CRHR2: variants seen among roughly 807,000 people sequenced by gnomAD.
CRHR2 encodes the protein corticotropin-releasing hormone receptor 2.
A neutral mutation model predicts 57.9 loss-of-function variants in CRHR2; 53 were observed. That is an observed-to-expected ratio of 0.92 (90% CI 0.73 to 1.15). CRHR2 has a LOEUF of 1.15. CRHR2 is among the 50% of genes most tolerant of loss of function. CRHR2 has a pLI of 0.00. For missense variants in CRHR2, 532 were observed against 542.6 expected (o/e 0.98, Z 0.19); for synonymous variants, 213 against 220.9 (o/e 0.96, Z 0.32).
At chr7:30,682,115 G>A in intron 1 of CRHR2, 63 bp downstream of exon 1, 1 of 1,534,970 alleles carries the variant, frequency 6.5e-7, no homozygotes, top group East Asian at 2.5e-5. Context: ...GCGGGGTCAG[G>A]GGCGCACCCA....
At chr7:30,689,250 G>T (rs983122097) in exon 2 of CRHR2, 1 of 1,550,384 alleles carries the variant, frequency 6.5e-7, no homozygotes, top group African/African-American at 1.4e-5. Flanking sequence ...TGCCCACAGG[G>T]GCTGGTCTTT....
chr7:30,691,372 G>A (rs1784958809), intron 1 of CRHR2, among the ~76,000 whole-genome samples: 1 of 152,208 alleles, frequency 6.6e-6, no homozygotes, highest in Admixed American at 6.5e-5. Flanking sequence ...TCAGATGTTA[G>A]TGCCTTCTCT....
chr7:30,698,488 G>A (rs1043825214), intron 1 of CRHR2, among the ~76,000 whole-genome samples: 1 of 152,224 alleles, frequency 6.6e-6, no homozygotes, highest in East Asian at 1.9e-4. Context: ...ACAAGTGGGA[G>A]AGGGCAAGAG....
chr7:30,670,126 T>TAC lies in CRHR2; in HGVS notation c.230-2815_230-2814dup, dbSNP rs751287150. ...ACATACATTTTATGTTATAATCCAG[T>TAC]ACACACACACACACACAAACACAGA... On this transcript the variant is annotated intron_variant, in intron 2 of 11. Coordinates refer to ENST00000471646, the MANE Select transcript of CRHR2 (RefSeq NM_001883.5). 1.4e-3 allele frequency among the ~76,000 whole-genome samples: 206 copies of TAC among 151,102 alleles called. 1 individual carries two copies. The highest frequency in any genetic ancestry group is 3.0e-3 in the African/African-American group (124 of 41,244).
At chr7:30,689,381 T>C in intron 1 of CRHR2, 1 of 982,870 alleles carries the variant, frequency 1.0e-6, no homozygotes, top group Non-Finnish European at 1.6e-6. Context: ...CATCCCTTAC[T>C]CCTCTTAGTA....
intron 8 of CRHR2, among the ~76,000 whole-genome samples, chr7:30,657,450 C>T (rs1428205614): frequency 6.6e-6 from 1 of 152,216 alleles, no homozygotes; most frequent in Non-Finnish European, 1.5e-5. Context: ...TAATTTCCAG[C>T]TCCTGGGTCT....
At chr7:30,679,465 T>A (rs1185729859) in intron 2 of CRHR2, among the ~76,000 whole-genome samples, 1 of 152,144 alleles carries the variant, frequency 6.6e-6, no homozygotes, top group Non-Finnish European at 1.5e-5. Flanking sequence ...CGAGTGGGAT[T>A]ATGGATGCCT....
chr7:30,699,173 A>G (rs1785117246), intron 1 of CRHR2, among the ~76,000 whole-genome samples: 1 of 152,032 alleles, frequency 6.6e-6, no homozygotes, highest in African/African-American at 2.4e-5. Flanking sequence ...AAATGGGGAG[A>G]AGGCTGGAGG....
upstream of CRHR2, among the ~76,000 whole-genome samples, chr7:30,687,419 G>C (rs960881313): frequency 6.6e-6 from 1 of 151,206 alleles, no homozygotes; most frequent in Non-Finnish European, 1.5e-5. Context: ...CGAAACTATG[G>C]ACACACTATT....
At position 30,654,384 on chromosome 7, in the gene CRHR2, G is replaced by A. The variant is rs569231374; in HGVS notation, c.1095+655C>T. 3.3e-5 allele frequency among the ~76,000 whole-genome samples: 5 copies of A among 152,310 alleles called. No individual in the cohort carries two copies. The South Asian group carries it at 1.0e-3, about 32-fold the overall frequency. ...TGTGCTATCATCCACAGAGACACAG[G>A]CCTGCATAGACACCTCGCCAGTGCC... On this transcript the variant is annotated intron_variant, in intron 11 of 11. Transcript: ENST00000471646.
At chr7:30,674,374 C>T (rs530329870) in intron 2 of CRHR2, among the ~76,000 whole-genome samples, 5 of 152,306 alleles carry the variant, frequency 3.3e-5, no homozygotes, top group East Asian at 1.9e-4. Flanking sequence ...GTCGCCATGA[C>T]GCCAGCCTGT....
upstream of CRHR2, among the ~76,000 whole-genome samples, chr7:30,683,770 T>C (rs1784798537): frequency 6.6e-6 from 1 of 152,182 alleles, no homozygotes; most frequent in South Asian, 2.1e-4. Flanking sequence ...TTTGTTTCTA[T>C]CTTTAGAGGG....
chr7:30,672,933 G>T (rs544004433), intron 2 of CRHR2, among the ~76,000 whole-genome samples: 1 of 152,234 alleles, frequency 6.6e-6, no homozygotes, highest in Non-Finnish European at 1.5e-5. Context: ...CTTGGGACAC[G>T]CTTCCTCACG....
Position 30,655,728 on chromosome 7 carries a change from G to C in CRHR2, c.918-13C>G. On this transcript the variant is annotated splice_polypyrimidine_tract_variant and intron_variant, in intron 9 of 11. Transcript: ENST00000471646. The stretch of plus-strand genomic sequence containing the variant: ...CTTCACTGCCTTCCTGGGGGCGAGA[G>C]GTGGACACAGGTCTGAGCCCATGCG... The C allele has an allele frequency of 6.2e-7, 1 of 1,611,920 alleles. No homozygotes were observed. The highest frequency in any genetic ancestry group is 8.5e-7 in the Non-Finnish European group (1 of 1,178,772).
At chr7:30,654,813 G>C (rs1783715275) in intron 11 of CRHR2, 1 of 1,539,376 alleles carries the variant, frequency 6.5e-7, no homozygotes, top group Non-Finnish European at 8.7e-7. Context: ...CCAGCTCTGA[G>C]TGCACATGTG....
chr7:30,675,632 ACAT>A (rs1338966345), intron 2 of CRHR2, among the ~76,000 whole-genome samples: 1 of 151,736 alleles, frequency 6.6e-6, no homozygotes. Flanking sequence ...TCCATCTGAC[ACAT>A]CATTAGCTCA....
chr7:30,682,146 G>A (rs377152807), intron 1 of CRHR2, 32 bp downstream of exon 1: 8 of 1,537,248 alleles, frequency 5.2e-6, no homozygotes, highest in Middle Eastern at 1.9e-4. Context: ...GAAGGAGCCC[G>A]CGCAGCCTCC....
Position 30,662,216 on chromosome 7 carries a change from C to G in CRHR2, c.698G>C (p.Cys233Ser). The G allele has an allele frequency of 6.2e-7, 1 of 1,614,084 alleles. No homozygotes were observed. The highest frequency in any genetic ancestry group is 8.5e-7 in the Non-Finnish European group (1 of 1,180,008). ...RKCLFLFIGW[C>S]IPFPIIVAWA... ...GGCGACGATGATGGGGAAGGGGATG[C>G]CTGAAAGAAGGAAAGACTTGGGCTG... The change falls in exon 7 of 12, where the codon TGC becomes TCC. Residue 233 changes from cysteine to serine, a missense_variant and splice_region_variant. Physicochemically the swap from Cys to Ser is moderately radical, Grantham distance 112. Coordinates refer to ENST00000471646, the MANE Select transcript of CRHR2 (RefSeq NM_001883.5).
At position 30,656,478 on chromosome 7, in the gene CRHR2, C is replaced by T. The variant is rs1052904347; in HGVS notation, c.832-466G>A. 1.3e-5 allele frequency among the ~76,000 whole-genome samples: 2 copies of T among 152,142 alleles called. No homozygotes were observed. Among genetic ancestry groups the T allele is most frequent in the Non-Finnish European group, 2.9e-5 (2 of 68,004 alleles). ...TGAGGACAGCACTGCCATGGTGGGG[C>T]GGACAAGGCCAGATGGAGGGATTAA... On this transcript the variant is annotated intron_variant, in intron 8 of 11. Transcript: ENST00000471646. The surrounding 1 kb of genome is among the most constrained non-coding windows in gnomAD (Gnocchi z 4.4).
Sources: allele counts gnomAD v4.1 joint callset (sites outside exome capture counted in the v4.1 genomes callset), GRCh38; gene constraint gnomAD v4.1.1; non-coding constraint Gnocchi (gnomAD v3.1); transcripts MANE v1.5; gene names NCBI Gene and HGNC (gene_info 2026-07-23, HGNC 2026-07-21).